The following SYNPR variants were observed in gnomAD, a reference collection of about 807,000 sequenced individuals.
SYNPR encodes synaptoporin.
SYNPR carries 23 observed loss-of-function variants against 32.9 expected under a neutral mutation model. The ratio of observed to expected loss-of-function variants is 0.70; its 90% CI spans 0.50 to 0.99. The LOEUF is 0.99. SYNPR is among the 50% of genes least tolerant of loss of function. The pLI is 0.00. For missense variants in SYNPR, 318 were observed against 349.3 expected (o/e 0.91, Z 0.71); for synonymous variants, 146 against 135.9 (o/e 1.07, Z -0.52).
chr3:63,255,466 T>G (rs2106893759), intron 2 of SYNPR, among the ~76,000 whole-genome samples: 1 of 152,342 alleles, frequency 6.6e-6, no homozygotes, highest in Admixed American at 6.5e-5. Context: ...TTATGTATGC[T>G]GTGAAGGAAA....
At chr3:63,517,416 C>T (rs61111726) in intron 3 of SYNPR, among the ~76,000 whole-genome samples, 35,277 of 151,842 alleles carry the variant, frequency 0.23, 4,150 homozygotes, top group East Asian at 0.32. Flanking sequence ...AAGTAGAGAA[C>T]AGTATCATTA....
At chr3:63,329,403 C>T (rs779383045) in intron 2 of SYNPR, among the ~76,000 whole-genome samples, 2 of 152,060 alleles carry the variant, frequency 1.3e-5, no homozygotes, top group Non-Finnish European at 2.9e-5. Context: ...GATTTGAACC[C>T]GGAATCTAAA....
intron 2 of SYNPR, among the ~76,000 whole-genome samples, chr3:63,370,720 T>C (rs2087801630): frequency 6.6e-6 from 1 of 152,204 alleles, no homozygotes; most frequent in South Asian, 2.1e-4. Flanking sequence ...TCTGCAATTT[T>C]GAGGTTGTTT....
At chr3:63,529,856 A>G (rs559542683) in intron 3 of SYNPR, among the ~76,000 whole-genome samples, 2 of 152,104 alleles carry the variant, frequency 1.3e-5, no homozygotes, top group Non-Finnish European at 2.9e-5. Flanking sequence ...TACCTAACAC[A>G]CTCAGGCGAA....
intron 2 of SYNPR, among the ~76,000 whole-genome samples, chr3:63,257,232 T>C (rs2086392459): frequency 6.6e-6 from 1 of 151,956 alleles, no homozygotes; most frequent in Non-Finnish European, 1.5e-5. Flanking sequence ...ACAAAGATAC[T>C]CCTCGAGAAG....
At chr3:63,343,246 G>A (rs962898188) in intron 2 of SYNPR, among the ~76,000 whole-genome samples, 5 of 152,202 alleles carry the variant, frequency 3.3e-5, no homozygotes, top group African/African-American at 1.2e-4. Flanking sequence ...GGTACTGTAG[G>A]TGTGCTGCAA....
At chr3:63,470,548 A>T (rs1700776354) in intron 2 of SYNPR, among the ~76,000 whole-genome samples, 1 of 152,198 alleles carries the variant, frequency 6.6e-6, no homozygotes, top group East Asian at 1.9e-4. Context: ...TATCTAGTGA[A>T]AAAGAAATGA....
intron 2 of SYNPR, among the ~76,000 whole-genome samples, chr3:63,292,782 C>G (rs1479127754): frequency 6.6e-6 from 1 of 152,196 alleles, no homozygotes; most frequent in Non-Finnish European, 1.5e-5. Context: ...CTTAAATGTG[C>G]GCATGCACAC....
chr3:63,446,551 A>T (rs900390248), intron 2 of SYNPR, among the ~76,000 whole-genome samples: 1 of 152,168 alleles, frequency 6.6e-6, no homozygotes, highest in African/African-American at 2.4e-5. Flanking sequence ...ACTGACATAG[A>T]ATCAATAAGG....
upstream of SYNPR, among the ~76,000 whole-genome samples, chr3:63,277,376 G>A (rs910373095): frequency 6.6e-6 from 1 of 152,174 alleles, no homozygotes; most frequent in Non-Finnish European, 1.5e-5. Context: ...TATTCAGCAA[G>A]ATTAGCCCAC....
At chr3:63,218,839 C>G in the SYNPR span, among the ~76,000 whole-genome samples, 1 of 152,202 alleles carries the variant, frequency 6.6e-6, no homozygotes, top group African/African-American at 2.4e-5. Context: ...AAGATTGGTT[C>G]TGCGGCTAAA....
chr3:63,561,596 T>C (rs941286598), intron 4 of SYNPR: 1 of 143,970 alleles, frequency 6.9e-6, no homozygotes, highest in Non-Finnish European at 1.6e-5. Flanking sequence ...TTGACTGTCA[T>C]AGAGGATTTT....
At chr3:63,509,889 C>T (rs1218142434) in intron 3 of SYNPR, among the ~76,000 whole-genome samples, 1 of 152,106 alleles carries the variant, frequency 6.6e-6, no homozygotes, top group East Asian at 1.9e-4. Flanking sequence ...CATGGACTAT[C>T]TCATTTAATT....
rs188063705 is a variant in SYNPR, at chr3:63,485,435, A to G, written c.209+4479A>G. The stretch of plus-strand genomic sequence containing the variant: ...ACCATTCAGCAGCATTGAGTACCTC[A>G]AAGAAAGAAAGGAGTGAAAAACCAA... On this transcript the variant is annotated intron_variant, in intron 3 of 5. Coordinates refer to ENST00000478300, the MANE Select transcript of SYNPR (RefSeq NM_001130003.2). Among the ~76,000 whole-genome samples, 1,461 of 152,280 alleles carry G rather than the reference A, an allele frequency of 9.6e-3. 21 individuals carry two copies. The highest frequency in any genetic ancestry group is 0.033 in the African/African-American group (1,352 of 41,574).
intron 2 of SYNPR, among the ~76,000 whole-genome samples, chr3:63,452,899 A>G (rs1049274998): frequency 1.3e-5 from 2 of 152,156 alleles, no homozygotes; most frequent in Admixed American, 6.5e-5. Context: ...GTGTATCTCA[A>G]TTAGAGCCAC....
chr3:63,570,914 C>A (rs540419457), intron 4 of SYNPR, among the ~76,000 whole-genome samples: 1 of 152,292 alleles, frequency 6.6e-6, no homozygotes, highest in African/African-American at 2.4e-5. Context: ...CTACTCAACA[C>A]ACATTTGTTG....
intron 3 of SYNPR, among the ~76,000 whole-genome samples, chr3:63,544,032 G>A (rs1702354180): frequency 6.6e-6 from 1 of 151,998 alleles, no homozygotes; most frequent in South Asian, 2.1e-4. Flanking sequence ...CAGGTTAAGG[G>A]GTTTGAATAT....
At chr3:63,260,583 A>C (rs1430951432) in intron 2 of SYNPR, among the ~76,000 whole-genome samples, 2 of 152,276 alleles carry the variant, frequency 1.3e-5, no homozygotes, top group Non-Finnish European at 2.9e-5. Context: ...AGATGGATTA[A>C]AGACTTAAAT....
chr3:63,236,712 A>G (rs150737884), intron 1 of SYNPR, among the ~76,000 whole-genome samples: 47 of 152,074 alleles, frequency 3.1e-4, no homozygotes, highest in Non-Finnish European at 6.0e-4. Flanking sequence ...TGTTAATCTT[A>G]TATCCTGCAA....
Sources: gnomAD v4.1 joint callset for allele counts (sites outside exome capture counted in the v4.1 genomes callset) on GRCh38, gnomAD v4.1.1 for gene constraint, MANE v1.5 for transcripts, NCBI Gene and HGNC (gene_info 2026-07-23, HGNC 2026-07-21) for gene names.